GCNT2: variants seen among roughly 807,000 people sequenced by gnomAD.
GCNT2 encodes the protein glucosaminyl (N-acetyl) transferase 2 (I blood group), also known as N-acetyllactosaminide beta-1,6-N-acetylglucosaminyl-transferase.
GCNT2 carries 34 observed loss-of-function variants against 34.2 expected under a neutral mutation model. The ratio of observed to expected loss-of-function variants is 1.00; its 90% CI spans 0.76 to 1.32. GCNT2 has a LOEUF of 1.32. GCNT2 is among the 40% of genes most tolerant of loss of function. The pLI is 0.00. For synonymous variants in GCNT2, 212 were observed against 188.0 expected, an observed-to-expected ratio of 1.13 and a Z score of -1.04; for missense variants, 584 against 489.4, an observed-to-expected ratio of 1.19 and a Z score of -1.82.
At chr6:10,535,499 T>C (rs1761712939) in intron 3 of GCNT2, among the ~76,000 whole-genome samples, 1 of 152,236 alleles carries the variant, frequency 6.6e-6, no homozygotes, top group Non-Finnish European at 1.5e-5. Flanking sequence ...AAGCCCAAGA[T>C]GCAAGTTCAT....
At chr6:10,607,803 T>A (rs1765388798) in intron 3 of GCNT2, among the ~76,000 whole-genome samples, 2 of 152,218 alleles carry the variant, frequency 1.3e-5, no homozygotes, top group African/African-American at 4.8e-5. Flanking sequence ...CAGAGGGTTT[T>A]AAGTATATTA....
rs556740338 is a variant in GCNT2, at chr6:10,552,742, A to G, written c.925+22906A>G. ...GACTGTACTTAATACGCTGTCCAAA[A>G]TGAATTGGACTGCCAGCATTCTCTA... is the stretch of plus-strand genomic sequence containing the variant. On this transcript the variant is annotated intron_variant, in intron 3 of 4. Transcript: ENST00000495262. 4.6e-5 allele frequency among the ~76,000 whole-genome samples: 7 copies of G among 152,298 alleles called. No individual in the cohort carries two copies. The East Asian group carries it at 1.4e-3, about 29-fold the overall frequency.
chr6:10,558,628 T>C (rs1370722137), intron 3 of GCNT2, among the ~76,000 whole-genome samples: 2 of 152,232 alleles, frequency 1.3e-5, no homozygotes, highest in African/African-American at 2.4e-5. Context: ...ACAGCATTAT[T>C]ATAGCAAGAG....
At chr6:10,530,005 A>G (rs892851122) in intron 3 of GCNT2, 169 bp downstream of exon 3, 3 of 626,002 alleles carry the variant, frequency 4.8e-6, no homozygotes, top group Admixed American at 5.2e-5. Flanking sequence ...GATGTGTTAT[A>G]TCACCCACTC....
chr6:10,563,741 CAAAAAA>C (rs1206466560), intron 3 of GCNT2, among the ~76,000 whole-genome samples: 13 of 70,848 alleles, frequency 1.8e-4, no homozygotes, highest in African/African-American at 6.9e-4. Flanking sequence ...GACTCCATCT[CAAAAAA>C]AGAAAAAAGA....
chr6:10,556,629 A>G (rs769512908), intron 3 of GCNT2: 16 of 1,614,056 alleles, frequency 9.9e-6, no homozygotes, highest in Middle Eastern at 1.6e-4. Context: ...ATCCATGAGA[A>G]GTCTTCTTGC....
intron 3 of GCNT2, among the ~76,000 whole-genome samples, chr6:10,539,744 T>C (rs62397980): frequency 0.34 from 52,040 of 152,066 alleles, 9,660 homozygotes; most frequent in South Asian, 0.58. Context: ...AAACAAAACC[T>C]TCTAACATTT....
rs765238336 is a variant in GCNT2, at chr6:10,621,307, C to T, written c.926-44C>T. On this transcript the variant is annotated intron_variant, in intron 3 of 4. Coordinates refer to ENST00000495262, the MANE Select transcript of GCNT2 (RefSeq NM_145649.5). ...TAATTGATGAAATTGATGCCCTTCT[C>T]TCATGACTCTCATCTCTACGCTTCT... is the stretch of plus-strand genomic sequence containing the variant. The T allele has an allele frequency of 4.0e-6, 5 of 1,250,916 alleles. No homozygotes were observed. In the African/African-American group the frequency reaches 7.4e-5, roughly 18 times the overall value. The allele number at this position is 1,250,916 out of a possible 1,614,324, so 77.5% of individuals were successfully genotyped here.
chr6:10,611,093 A>G (rs929464677), intron 3 of GCNT2, among the ~76,000 whole-genome samples: 2 of 152,132 alleles, frequency 1.3e-5, no homozygotes, highest in Admixed American at 6.5e-5. Flanking sequence ...CGTGTTAAAA[A>G]TCCTAAATAG....
At chr6:10,566,885 A>T (rs1763307264) in intron 3 of GCNT2, among the ~76,000 whole-genome samples, 1 of 152,232 alleles carries the variant, frequency 6.6e-6, no homozygotes, top group African/African-American at 2.4e-5. Context: ...GAGTAAGCCA[A>T]GGAGTCTGCT....
chr6:10,539,340 C>T (rs1480051337), intron 3 of GCNT2, among the ~76,000 whole-genome samples: 1 of 151,912 alleles, frequency 6.6e-6, no homozygotes, highest in Non-Finnish European at 1.5e-5. Flanking sequence ...CAGGTATGCA[C>T]TACCACGCCT....
intron 3 of GCNT2, among the ~76,000 whole-genome samples, chr6:10,559,340 T>G (rs1292546271): frequency 6.6e-6 from 1 of 152,196 alleles, no homozygotes; most frequent in African/African-American, 2.4e-5. Context: ...GAATGCTACC[T>G]TTTCTTCTCT....
intron 1 of GCNT2, among the ~76,000 whole-genome samples, chr6:10,523,092 G>A (rs1225401683): frequency 6.6e-6 from 1 of 152,158 alleles, no homozygotes; most frequent in Non-Finnish European, 1.5e-5. Flanking sequence ...GCTCAGTCTT[G>A]CATTGCCTCA....
rs1224219034 is a variant in GCNT2 at position 10,534,141 on chromosome 6, CT to C, written c.925+4323del. Among the ~76,000 whole-genome samples the C allele has an allele frequency of 2.6e-3, 316 of 120,264 alleles. 3 individuals are homozygous for C. Among genetic ancestry groups the C allele is most frequent in the African/African-American group, 5.9e-3 (200 of 34,176 alleles). The allele number at this position is 120,264 out of a possible 152,430, so 78.9% of individuals were successfully genotyped here. ...GGTATCTGCCAGATTCCATGCTGCT[CT>C]TTTTTTTTTTTTTTTTTAAGATGGA... On this transcript the variant is annotated intron_variant, in intron 3 of 4. Coordinates refer to ENST00000495262, the MANE Select transcript of GCNT2 (RefSeq NM_145649.5).
chr6:10,601,233 T>C (rs1765076166), intron 3 of GCNT2, among the ~76,000 whole-genome samples: 1 of 152,214 alleles, frequency 6.6e-6, no homozygotes, highest in Non-Finnish European at 1.5e-5. Flanking sequence ...TTAGTAATAT[T>C]ATTCATTTGG....
chr6:10,547,650 G>C (rs1762326227), intron 3 of GCNT2, among the ~76,000 whole-genome samples: 1 of 152,166 alleles, frequency 6.6e-6, no homozygotes, highest in Non-Finnish European at 1.5e-5. Flanking sequence ...TTACTAAGTA[G>C]ATATCCTGTT....
At position 10,600,613 on chromosome 6, in the gene GCNT2, C is replaced by T. The variant is rs564434303; in HGVS notation, c.926-20738C>T. 3.0e-4 allele frequency among the ~76,000 whole-genome samples: 46 copies of T among 152,206 alleles called. No homozygotes were observed. In the South Asian group the frequency reaches 3.1e-3, roughly 10 times the overall value. The stretch of plus-strand genomic sequence containing the variant: ...CTCCATCCCTGCTGCTTGCCTTTTC[C>T]GGAAAGTCATATTTTTATCATAGCG... On this transcript the variant is annotated intron_variant, in intron 3 of 4. Transcript: ENST00000495262.
chr6:10,553,152 G>C (rs531971927), intron 3 of GCNT2, among the ~76,000 whole-genome samples: 5 of 152,334 alleles, frequency 3.3e-5, no homozygotes, highest in Admixed American at 6.5e-5. Flanking sequence ...TTATGAGGGT[G>C]TAATGAAGTG....
intron 3 of GCNT2, chr6:10,556,632 C>T (rs1197943972): frequency 3.1e-6 from 5 of 1,613,626 alleles, no homozygotes; most frequent in African/African-American, 1.3e-5. Context: ...CATGAGAAGT[C>T]TTCTTGCAAG....
Sources: allele counts gnomAD v4.1 joint callset (sites outside exome capture counted in the v4.1 genomes callset), GRCh38; gene constraint gnomAD v4.1.1; transcripts MANE v1.5; gene names NCBI Gene and HGNC (gene_info 2026-07-23, HGNC 2026-07-21).